SLC35F4: variants seen among roughly 807,000 people sequenced by gnomAD.
SLC35F4 encodes chromosome 14 open reading frame 36.
Under a neutral mutation model 44.2 loss-of-function variants are expected in SLC35F4, and 24 were observed. The ratio of observed to expected loss-of-function variants is 0.54; its 90% CI spans 0.39 to 0.76. SLC35F4 has a LOEUF of 0.76. Ranked by LOEUF, SLC35F4 falls within the 30% of genes least tolerant of loss-of-function variation. SLC35F4 has a pLI of 0.00. For missense variants in SLC35F4, 562 were observed against 586.1 expected (o/e 0.96, Z 0.42); for synonymous variants, 238 against 223.6 (o/e 1.06, Z -0.57).
At chr14:57,735,882 C>T (rs764538515) in intron 1 of SLC35F4, among the ~76,000 whole-genome samples, 56 of 152,144 alleles carry the variant, frequency 3.7e-4, no homozygotes, top group African/African-American at 1.1e-3. Context: ...CCACCACCCC[C>T]GGCTAATTTA....
At chr14:57,747,896 A>C (rs545166182) in intron 1 of SLC35F4, among the ~76,000 whole-genome samples, 2 of 152,342 alleles carry the variant, frequency 1.3e-5, no homozygotes, top group South Asian at 4.1e-4. Flanking sequence ...TAAATTATTG[A>C]TAGAAAAGAA....
chr14:57,760,408 A>G (rs1718013903), intron 1 of SLC35F4, among the ~76,000 whole-genome samples: 1 of 152,180 alleles, frequency 6.6e-6, no homozygotes, highest in African/African-American at 2.4e-5. Context: ...TTATGCCAAT[A>G]CCATACTGTT....
intron 1 of SLC35F4, among the ~76,000 whole-genome samples, chr14:57,933,445 C>A (rs1169518686): frequency 6.6e-6 from 1 of 152,124 alleles, no homozygotes; most frequent in African/African-American, 2.4e-5. Flanking sequence ...ATGACTAAAG[C>A]AAAGAGACCA....
chr14:57,769,750 T>C (rs1016656097), intron 1 of SLC35F4, among the ~76,000 whole-genome samples: 1 of 152,208 alleles, frequency 6.6e-6, no homozygotes, highest in East Asian at 1.9e-4. Flanking sequence ...CTTTATACAA[T>C]GTTTCTTGGG....
intron 1 of SLC35F4, among the ~76,000 whole-genome samples, chr14:57,821,597 G>A (rs566767121): frequency 4.1e-4 from 63 of 152,330 alleles, no homozygotes; most frequent in African/African-American, 1.5e-3. Flanking sequence ...GTCCATTCAA[G>A]TAAAGTTTAT....
chr14:57,754,349 T>G (rs1177381120), intron 1 of SLC35F4, among the ~76,000 whole-genome samples: 1 of 152,000 alleles, frequency 6.6e-6, no homozygotes, highest in Non-Finnish European at 1.5e-5. Context: ...AGGTGATCCA[T>G]CCACCTTGGC....
At chr14:57,666,582 G>C (rs1470085687) in intron 1 of SLC35F4, among the ~76,000 whole-genome samples, 1 of 152,054 alleles carries the variant, frequency 6.6e-6, no homozygotes, top group Non-Finnish European at 1.5e-5. Flanking sequence ...CACAACTCCT[G>C]ACCTGCAGAA....
intron 1 of SLC35F4, among the ~76,000 whole-genome samples, chr14:57,631,858 C>T (rs973791577): frequency 3.3e-5 from 5 of 151,786 alleles, no homozygotes; most frequent in African/African-American, 1.2e-4. Flanking sequence ...TTATAAAAAG[C>T]CAAAAATTAA....
chr14:57,591,834 CT>C (rs1324092267), intron 2 of SLC35F4, among the ~76,000 whole-genome samples: 28 of 152,206 alleles, frequency 1.8e-4, no homozygotes, highest in Non-Finnish European at 5.9e-5. Flanking sequence ...CAGGGACTAC[CT>C]TATAAAGGAG....
chr14:57,645,417 C>T (rs1005104345), intron 1 of SLC35F4, among the ~76,000 whole-genome samples: 4 of 152,028 alleles, frequency 2.6e-5, no homozygotes, highest in African/African-American at 9.7e-5. Flanking sequence ...ATTTGGCTCT[C>T]TGTTTGTCTG....
intron 1 of SLC35F4, among the ~76,000 whole-genome samples, chr14:57,743,418 A>T (rs1339432429): frequency 6.6e-6 from 1 of 152,226 alleles, no homozygotes; most frequent in Non-Finnish European, 1.5e-5. Flanking sequence ...ACAGAAATAC[A>T]AACTACCATC....
chr14:57,672,884 GT>G (rs1266779564), intron 1 of SLC35F4, among the ~76,000 whole-genome samples: 1 of 151,290 alleles, frequency 6.6e-6, no homozygotes, highest in African/African-American at 2.4e-5. Context: ...TAGGTTTTTT[GT>G]TTTTTTATTT....
intron 1 of SLC35F4, among the ~76,000 whole-genome samples, chr14:57,696,310 GA>G (rs554515913): frequency 6.6e-6 from 1 of 152,020 alleles, no homozygotes; most frequent in African/African-American, 2.4e-5. Context: ...CAACAAACAT[GA>G]AAAAAAGCTC....
chr14:57,580,848 A>G (rs1477710559), intron 4 of SLC35F4: 1 of 173,972 alleles, frequency 5.7e-6, no homozygotes, highest in Non-Finnish European at 1.2e-5. Flanking sequence ...ACATATGTTG[A>G]TTGAAAAATG....
At chr14:57,771,257 C>T (rs1361242558) in intron 1 of SLC35F4, among the ~76,000 whole-genome samples, 1 of 152,194 alleles carries the variant, frequency 6.6e-6, no homozygotes, top group East Asian at 1.9e-4. Flanking sequence ...ACTTCACCTC[C>T]ATTTGTGTTC....
At chr14:57,777,605 C>A (rs1008517175) in intron 1 of SLC35F4, among the ~76,000 whole-genome samples, 1 of 151,740 alleles carries the variant, frequency 6.6e-6, no homozygotes, top group Non-Finnish European at 1.5e-5. Flanking sequence ...GGGCAGGGAA[C>A]ATCACAAACA....
At chr14:57,898,858 A>T (rs765623583) in intron 1 of SLC35F4, among the ~76,000 whole-genome samples, 12 of 152,232 alleles carry the variant, frequency 7.9e-5, no homozygotes, top group Non-Finnish European at 1.6e-4. Flanking sequence ...TTCGATATTT[A>T]TGTAAATCAG....
intron 1 of SLC35F4, among the ~76,000 whole-genome samples, chr14:57,955,752 CAAG>C (rs1890224999): frequency 6.6e-6 from 1 of 152,162 alleles, no homozygotes; most frequent in South Asian, 2.1e-4. Flanking sequence ...AGGACCTCTT[CAAG>C]AAGAACTACA....
At chr14:57,607,515 C>T (rs1181700579) in intron 1 of SLC35F4, among the ~76,000 whole-genome samples, 2 of 152,198 alleles carry the variant, frequency 1.3e-5, no homozygotes, top group African/African-American at 4.8e-5. Flanking sequence ...CCTAAACCCA[C>T]AATGATGAGT....
Sources: gnomAD v4.1 joint callset for allele counts (sites outside exome capture counted in the v4.1 genomes callset) on GRCh38, gnomAD v4.1.1 for gene constraint, MANE v1.5 for transcripts, NCBI Gene and HGNC (gene_info 2026-07-23, HGNC 2026-07-21) for gene names.